The following THRB variants were observed in gnomAD, a reference collection of about 807,000 sequenced individuals.
THRB encodes the protein thyroid hormone receptor beta.
Under a neutral mutation model 47.8 loss-of-function variants are expected in THRB, and 12 were observed. That is an observed-to-expected ratio of 0.25 (90% CI 0.16 to 0.41). The LOEUF (loss-of-function observed/expected upper bound fraction) is 0.41. Among genes scored for constraint, THRB ranks in the 10% least tolerant of loss-of-function variants. The probability of loss-of-function intolerance (pLI) is 1.00; values close to 1 mark genes in which losing one functional copy is unlikely to be tolerated. For synonymous variants in THRB, 218 were observed against 212.2 expected, an observed-to-expected ratio of 1.03 and a Z score of -0.24; for missense variants, 348 against 589.2, an observed-to-expected ratio of 0.59 and a Z score of 4.24.
chr3:24,144,811 T>A (rs1211500817), intron 7 of THRB: 1 of 152,004 alleles, frequency 6.6e-6, no homozygotes, highest in Non-Finnish European at 1.5e-5. Flanking sequence ...AGCAAGTTAA[T>A]GGCAGAGCCA....
chr3:24,266,281 C>T (rs906347264), intron 3 of THRB, among the ~76,000 whole-genome samples: 5 of 152,256 alleles, frequency 3.3e-5, no homozygotes, highest in East Asian at 1.9e-4. Context: ...AGGAGTGTAA[C>T]GCCATATCCT....
intron 3 of THRB, among the ~76,000 whole-genome samples, chr3:24,244,798 T>C (rs1393856394): frequency 6.6e-6 from 1 of 152,184 alleles, no homozygotes; most frequent in Non-Finnish European, 1.5e-5. Flanking sequence ...ACTGATGTTA[T>C]GGTAATCTAA....
intron 3 of THRB, among the ~76,000 whole-genome samples, chr3:24,252,783 G>T (rs961562931): frequency 2.0e-5 from 3 of 151,930 alleles, no homozygotes; most frequent in Non-Finnish European, 4.4e-5. Context: ...TAAGAAATAT[G>T]GTTAAGTGAG....
Position 24,268,656 on chromosome 3 carries a change from C to A in THRB, c.-43+28570G>T, listed in dbSNP as rs1418971435. Reference sequence around the variant, plus strand: ...TATTTATAAAACTATTTCTATTTACCCATCCTTCCTTTCTCCTTGTTTTCT... The same window carrying A: ...TATTTATAAAACTATTTCTATTTACACATCCTTCCTTTCTCCTTGTTTTCT... On this transcript the variant is annotated intron_variant, in intron 3 of 10. Coordinates refer to ENST00000646209, the MANE Select transcript of THRB (RefSeq NM_001354712.2). Among the ~76,000 whole-genome samples the A allele has an allele frequency of 4.6e-5, 7 of 151,944 alleles. No individual in the cohort carries two copies. The East Asian group carries it at 9.6e-4, about 21-fold the overall frequency.
At chr3:24,266,282 G>A (rs779871190) in intron 3 of THRB, among the ~76,000 whole-genome samples, 6 of 152,140 alleles carry the variant, frequency 3.9e-5, no homozygotes, top group Non-Finnish European at 5.9e-5. Context: ...GGAGTGTAAC[G>A]CCATATCCTC....
At chr3:24,471,281 C>G (rs1291149060) in intron 1 of THRB, among the ~76,000 whole-genome samples, 2 of 152,166 alleles carry the variant, frequency 1.3e-5, no homozygotes, top group African/African-American at 4.8e-5. Flanking sequence ...ATCAGAAACT[C>G]TGGGGATGTG....
chr3:24,350,870 G>A (rs2063319450), intron 1 of THRB, among the ~76,000 whole-genome samples: 1 of 151,834 alleles, frequency 6.6e-6, no homozygotes, highest in Admixed American at 6.6e-5. Context: ...TTTCTACTTA[G>A]CATTCATAAG....
intron 3 of THRB, among the ~76,000 whole-genome samples, chr3:24,274,121 G>A (rs1455023234): frequency 6.6e-6 from 1 of 151,994 alleles, no homozygotes; most frequent in African/African-American, 2.4e-5. Context: ...TAACAAACTT[G>A]TTGCCTAGAC....
intron 8 of THRB, among the ~76,000 whole-genome samples, chr3:24,142,647 G>C (rs1260463783): frequency 6.6e-6 from 1 of 152,248 alleles, no homozygotes; most frequent in East Asian, 1.9e-4. Flanking sequence ...ACTAAGAGCA[G>C]AGTCAGTCTC....
At chr3:24,260,238 G>A (rs1040091470) in intron 3 of THRB, among the ~76,000 whole-genome samples, 3 of 152,060 alleles carry the variant, frequency 2.0e-5, no homozygotes, top group South Asian at 2.1e-4. Context: ...CTGGGCACTC[G>A]GTGAGTCACA....
At chr3:24,345,906 T>C (rs1345863598) in intron 1 of THRB, among the ~76,000 whole-genome samples, 1 of 152,012 alleles carries the variant, frequency 6.6e-6, no homozygotes, top group East Asian at 1.9e-4. Context: ...TTAAACACAA[T>C]TTATTTTATG....
At chr3:24,230,078 A>G (rs1010785960) in intron 3 of THRB, among the ~76,000 whole-genome samples, 2 of 152,224 alleles carry the variant, frequency 1.3e-5, no homozygotes, top group African/African-American at 4.8e-5. Flanking sequence ...AGGGAGGAAC[A>G]ATCTTGTTAA....
intron 3 of THRB, among the ~76,000 whole-genome samples, chr3:24,233,555 A>AAG (rs1237182266): frequency 1.0e-4 from 2 of 19,624 alleles, no homozygotes; most frequent in Non-Finnish European, 1.5e-4. Flanking sequence ...GAAAGAAAGA[A>AAG]AAAGGAAGAA....
At chr3:24,275,036 G>C (rs1026886112) in intron 3 of THRB, among the ~76,000 whole-genome samples, 1 of 152,134 alleles carries the variant, frequency 6.6e-6, no homozygotes, top group African/African-American at 2.4e-5. Context: ...ATGAGAAAGA[G>C]CAAAGAAGCA....
intron 1 of THRB, among the ~76,000 whole-genome samples, chr3:24,433,994 G>A (rs182538703): frequency 7.0e-4 from 103 of 147,470 alleles, no homozygotes; most frequent in African/African-American, 2.2e-3. Context: ...TGCTTACTTA[G>A]GTAGTCCAAT....
At chr3:24,390,654 A>C (rs911629908) in intron 1 of THRB, among the ~76,000 whole-genome samples, 5 of 152,006 alleles carry the variant, frequency 3.3e-5, no homozygotes, top group African/African-American at 1.2e-4. Context: ...TATGGCCTTG[A>C]ATCCTCAGGT....
intron 3 of THRB, among the ~76,000 whole-genome samples, chr3:24,264,052 A>C (rs1421349577): frequency 1.3e-5 from 2 of 152,128 alleles, no homozygotes; most frequent in Non-Finnish European, 2.9e-5. Flanking sequence ...AGTTCATTTA[A>C]TCCCTGGGCA....
At chr3:24,213,375 A>G (rs2046256649) in intron 4 of THRB, among the ~76,000 whole-genome samples, 1 of 152,204 alleles carries the variant, frequency 6.6e-6, no homozygotes, top group Admixed American at 6.5e-5. Context: ...TTGGAATCTT[A>G]CCCAGGACTC....
intron 5 of THRB, among the ~76,000 whole-genome samples, chr3:24,180,666 G>A (rs2041782473): frequency 6.6e-6 from 1 of 152,136 alleles, no homozygotes. Flanking sequence ...ATTTATTCCA[G>A]TTCAATCAAG....
Sources: gnomAD v4.1 joint callset for allele counts (sites outside exome capture counted in the v4.1 genomes callset) on GRCh38, gnomAD v4.1.1 for gene constraint, MANE v1.5 for transcripts, NCBI Gene and HGNC (gene_info 2026-07-23, HGNC 2026-07-21) for gene names.